FRMPD4: variants seen among roughly 807,000 people sequenced by gnomAD.
FRMPD4 encodes FERM and PDZ domain-containing protein 4.
In FRMPD4, 22 loss-of-function variants were observed where a neutral mutation model predicts 94.1. That is an observed-to-expected ratio of 0.23 (90% CI 0.17 to 0.33). The LOEUF is 0.33. FRMPD4 is among the 10% of genes least tolerant of loss of function. The probability of loss-of-function intolerance (pLI) is 1.00; values close to 1 mark genes in which losing one functional copy is unlikely to be tolerated. For synonymous variants in FRMPD4, 631 were observed against 548.6 expected (o/e 1.15, Z -2.10); for missense variants, 1,111 against 1,339.9 (o/e 0.83, Z 2.67).
intron 2 of FRMPD4, among the ~76,000 whole-genome samples, chrX:12,512,490 G>A (rs2058053758): frequency 8.9e-6 from 1 of 112,527 alleles, no homozygotes; most frequent in Admixed American, 9.4e-5. Context: ...TTCTGTTCCT[G>A]CATTAGTTTG....
rs1362193244 is a variant in FRMPD4 at position 12,410,513 on chromosome X, TGCTCCTTTTATTATGGAGTCATAAAA to T, written c.42-88164_42-88139del. The stretch of plus-strand genomic sequence containing the variant: ...CACCAGTAACTTGCAGTTCTGCTTT[TGCTCCTTTTATTATGGAGTCATAAAA>T]GCGTAATGAAAGAAAGAGCTCCTAG... On this transcript the variant is annotated intron_variant, in intron 1 of 16. Coordinates refer to ENST00000675598, the MANE Select transcript of FRMPD4 (RefSeq NM_001368397.1). 5.9e-3 allele frequency among the ~76,000 whole-genome samples: 663 copies of T among 111,453 alleles called. 1 individual carries two copies. Among genetic ancestry groups the T allele is most frequent in the Non-Finnish European group, 9.7e-3 (513 of 52,979 alleles).
At chrX:11,892,700 G>A (rs1021402382) in intron 3 of FRMPD4, among the ~76,000 whole-genome samples, 2 of 112,441 alleles carry the variant, frequency 1.8e-5, no homozygotes, top group Non-Finnish European at 3.8e-5. Context: ...CCATTTCCTA[G>A]GGGTCTGCTG....
At chrX:12,491,394 G>A (rs2057791717) in intron 1 of FRMPD4, among the ~76,000 whole-genome samples, 1 of 111,706 alleles carries the variant, frequency 9.0e-6, no homozygotes, top group South Asian at 3.8e-4. Context: ...TTACAAGGTG[G>A]ATCACATGGT....
chrX:11,997,719 A>G (rs1220059387), intron 3 of FRMPD4, among the ~76,000 whole-genome samples: 1 of 111,351 alleles, frequency 9.0e-6, no homozygotes, highest in African/African-American at 3.3e-5. Flanking sequence ...TTGCACAAAC[A>G]TATTTAAGAC....
chrX:12,299,310 G>A (rs1396778022), intron 1 of FRMPD4, among the ~76,000 whole-genome samples: 1 of 109,987 alleles, frequency 9.1e-6, no homozygotes, highest in Non-Finnish European at 1.9e-5. Context: ...AGGAGGAGGA[G>A]GAGGAAGAGG....
chrX:12,461,411 A>G (rs1240850983), intron 1 of FRMPD4, among the ~76,000 whole-genome samples: 1 of 112,189 alleles, frequency 8.9e-6, no homozygotes, highest in Non-Finnish European at 1.9e-5. Flanking sequence ...AATTCAAGAT[A>G]CTGATTCTCT....
intron 1 of FRMPD4, among the ~76,000 whole-genome samples, chrX:12,167,922 G>T (rs12833832): frequency 9.0e-6 from 1 of 110,856 alleles, no homozygotes; most frequent in Non-Finnish European, 1.9e-5. Flanking sequence ...CTTGTTCTCA[G>T]TGAAGGAGTA....
intron 4 of FRMPD4, among the ~76,000 whole-genome samples, chrX:12,639,972 G>A (rs1308706953): frequency 1.8e-5 from 2 of 111,543 alleles, no homozygotes; most frequent in African/African-American, 6.5e-5. Flanking sequence ...ATTACCATTG[G>A]AGAGGAACAC....
At chrX:11,878,473 T>C (rs2053797227) in intron 3 of FRMPD4, among the ~76,000 whole-genome samples, 1 of 112,375 alleles carries the variant, frequency 8.9e-6, no homozygotes. Flanking sequence ...GTGACAAATA[T>C]ATCTGTCAGG....
chrX:11,917,675 C>G lies in FRMPD4; in HGVS notation c.95+39657C>G, dbSNP rs149860075. ...ACAAGTTCTCATTTATAAGTGGGAG[C>G]TAAACAATGGGTACACATGGACATA... On this transcript the variant is annotated intron_variant, in intron 3 of 18. Coordinates refer to the FRMPD4 transcript ENST00000640291. Among the ~76,000 whole-genome samples the G allele has an allele frequency of 2.4e-3, 270 of 111,121 alleles. 1 individual carries two copies. Among genetic ancestry groups the G allele is most frequent in the African/African-American group, 7.7e-3 (234 of 30,521 alleles).
intron 3 of FRMPD4, among the ~76,000 whole-genome samples, chrX:12,036,925 G>A (rs989768826): frequency 8.9e-6 from 1 of 112,168 alleles, no homozygotes; most frequent in African/African-American, 3.2e-5. Context: ...CGATTTATCT[G>A]TTTTCATATT....
intron 1 of FRMPD4, among the ~76,000 whole-genome samples, chrX:12,218,025 A>G (rs977688790): frequency 3.6e-5 from 4 of 111,734 alleles, no homozygotes; most frequent in Non-Finnish European, 7.5e-5. Flanking sequence ...AAACCAAGCT[A>G]CCTCTTAATT....
At position 12,718,184 on chromosome X, in the gene FRMPD4, G is replaced by A; in HGVS notation, c.3358G>A (p.Gly1120Ser). ...ATGKTFPRAS[G>S]LGAREAEGKE... The stretch of plus-strand genomic sequence containing the variant: ...AGGGAAAACCTTTCCAAGAGCTTCT[G>A]GTCTTGGGGCAAGGGAGGCCGAAGG... The change falls in exon 16 of 17, where the codon GGT becomes AGT. Residue 1120 changes from glycine to serine, a missense_variant. Around this residue, in one of 8 missense-constraint regions of FRMPD4, gnomAD observed 551 missense variants for 591.6 expected, o/e 0.93. Coordinates refer to ENST00000675598, the MANE Select transcript of FRMPD4 (RefSeq NM_001368397.1). 1 of 1,211,436 alleles carries A rather than the reference G, an allele frequency of 8.3e-7. No homozygotes were observed. Among genetic ancestry groups the A allele is most frequent in the Non-Finnish European group, 1.1e-6 (1 of 894,950 alleles).
intron 3 of FRMPD4, among the ~76,000 whole-genome samples, chrX:11,907,694 A>G (rs2053975462): frequency 1.8e-5 from 2 of 111,882 alleles, no homozygotes; most frequent in South Asian, 7.5e-4. Flanking sequence ...AAACTATCAT[A>G]TTGGAGATTA....
intron 1 of FRMPD4, among the ~76,000 whole-genome samples, chrX:12,188,580 C>T (rs1280393579): frequency 1.8e-5 from 2 of 111,733 alleles, no homozygotes; most frequent in Non-Finnish European, 3.8e-5. Flanking sequence ...TAACTGAGCA[C>T]AGAATGACAA....
At chrX:12,115,529 T>A (rs1422531630) in intron 3 of FRMPD4, among the ~76,000 whole-genome samples, 1 of 111,191 alleles carries the variant, frequency 9.0e-6, no homozygotes, top group East Asian at 2.8e-4. Context: ...CTGTCTCTCA[T>A]GGTGTTGTTC....
chrX:12,066,573 C>T (rs2054921597), intron 3 of FRMPD4, among the ~76,000 whole-genome samples: 1 of 111,145 alleles, frequency 9.0e-6, no homozygotes, highest in South Asian at 3.8e-4. Context: ...TGGGCATGTT[C>T]ATGGGGGTAG....
At chrX:12,681,927 G>A (rs1269564729) in intron 5 of FRMPD4, among the ~76,000 whole-genome samples, 6 of 111,293 alleles carry the variant, frequency 5.4e-5, no homozygotes, top group Non-Finnish European at 1.1e-4. Flanking sequence ...AGGAAACCCC[G>A]TATTCATTAA....
At chrX:12,380,551 A>G (rs2056304483) in intron 1 of FRMPD4, among the ~76,000 whole-genome samples, 1 of 112,151 alleles carries the variant, frequency 8.9e-6, no homozygotes, top group Non-Finnish European at 1.9e-5. Flanking sequence ...TGTCATGGGA[A>G]CTATTTTGCT....
Sources: allele counts gnomAD v4.1 joint callset (sites outside exome capture counted in the v4.1 genomes callset), GRCh38; gene constraint gnomAD v4.1.1; regional missense constraint gnomAD v4.1.1; transcripts MANE v1.5; gene names NCBI Gene and HGNC (gene_info 2026-07-23, HGNC 2026-07-21).